DYNC1I1: variants seen among roughly 807,000 people sequenced by gnomAD.
The protein encoded by DYNC1I1 is cytoplasmic dynein 1 intermediate chain 1.
A neutral mutation model predicts 86.6 loss-of-function variants in DYNC1I1; 43 were observed. The observed-to-expected ratio is 0.50, with a 90% CI of 0.39 to 0.64. DYNC1I1 has a LOEUF of 0.64. Among genes scored for constraint, DYNC1I1 ranks in the 30% least tolerant of loss-of-function variants. The pLI, the probability that DYNC1I1 is intolerant of heterozygous loss-of-function variation, is 0.00. For missense variants in DYNC1I1, 604 were observed against 788.8 expected (o/e 0.77, Z 2.81); for synonymous variants, 262 against 283.7 (o/e 0.92, Z 0.77).
rs745430386 is a variant in DYNC1I1 at position 95,984,889 on chromosome 7, C to T, written c.655C>T (p.Arg219Trp). The part of the protein sequence containing the change: ...HSEEFLIFFD[R>W]TIRVIERALA... ...AGAGGAATTTCTCATCTTTTTTGAC[C>T]GGACAATACGGGTAATTGAAAGAGC... Residue 219 changes from arginine (R) to tryptophan (W), a missense_variant, in exon 8 of 17, where the codon CGG becomes TGG. Coordinates refer to ENST00000447467, the MANE Select transcript of DYNC1I1 (RefSeq NM_001135556.2). The T allele has an allele frequency of 1.1e-5, 18 of 1,612,800 alleles. No homozygotes were observed. Among genetic ancestry groups the T allele is most frequent in the South Asian group, 4.4e-5 (4 of 90,822 alleles).
At chr7:96,049,544 T>C (rs1789333282) in intron 14 of DYNC1I1, among the ~76,000 whole-genome samples, 1 of 152,132 alleles carries the variant, frequency 6.6e-6, no homozygotes, top group South Asian at 2.1e-4. Flanking sequence ...CATCTTATCA[T>C]TTAAACAAGG....
rs10590197 is a variant in DYNC1I1 at position 95,818,473 on chromosome 7, A to ATTT, written c.314+5155_314+5157dup. On this transcript the variant is annotated intron_variant, in intron 4 of 16. Coordinates refer to ENST00000447467, the MANE Select transcript of DYNC1I1 (RefSeq NM_001135556.2). ...CATACCACCACACCCAGCTGATTTA[A>ATTT]TTTTTTTTTTTTTTTTTTTTTGTAG... 656 of 573,980 alleles carry ATTT rather than the reference A, an allele frequency of 1.1e-3. 5 individuals carry two copies. The highest frequency in any genetic ancestry group is 3.4e-3 in the South Asian group (162 of 47,844). 35.6% of individuals were successfully genotyped at this position (573,980 alleles called of 1,614,324 possible).
intron 6 of DYNC1I1, among the ~76,000 whole-genome samples, chr7:95,959,625 G>A (rs1487086175): frequency 6.6e-6 from 1 of 152,158 alleles, no homozygotes; most frequent in Non-Finnish European, 1.5e-5. Context: ...GTATGGTGGA[G>A]TAGTTAAAAC....
At chr7:95,922,623 T>C (rs1791640777) in intron 6 of DYNC1I1, among the ~76,000 whole-genome samples, 1 of 152,112 alleles carries the variant, frequency 6.6e-6, no homozygotes, top group South Asian at 2.1e-4. Context: ...GGGACATATG[T>C]AGCTGATATA....
At chr7:95,982,944 T>C (rs1326482149) in intron 7 of DYNC1I1, among the ~76,000 whole-genome samples, 1 of 152,212 alleles carries the variant, frequency 6.6e-6, no homozygotes, top group Non-Finnish European at 1.5e-5. Context: ...TTAGTAATTA[T>C]TGAAGCCCAG....
At chr7:95,900,608 C>T (rs1791011616) in intron 6 of DYNC1I1, among the ~76,000 whole-genome samples, 1 of 152,086 alleles carries the variant, frequency 6.6e-6, no homozygotes, top group Admixed American at 6.6e-5. Flanking sequence ...TATCCTCTCA[C>T]CATTAAAACT....
At chr7:95,786,336 G>A (rs183301895) in intron 1 of DYNC1I1, among the ~76,000 whole-genome samples, 2 of 152,274 alleles carry the variant, frequency 1.3e-5, no homozygotes, top group Non-Finnish European at 2.9e-5. Flanking sequence ...GCATGTCAAT[G>A]TCTGGCTCTC....
intron 6 of DYNC1I1, among the ~76,000 whole-genome samples, chr7:95,968,507 A>G (rs1412688740): frequency 6.6e-6 from 1 of 152,176 alleles, no homozygotes; most frequent in Non-Finnish European, 1.5e-5. Context: ...TAACACAATA[A>G]CAATTCTAGT....
chr7:96,061,734 ACG>A (rs1554441135), intron 14 of DYNC1I1, among the ~76,000 whole-genome samples: 12 of 146,870 alleles, frequency 8.2e-5, no homozygotes, highest in African/African-American at 2.1e-4. Flanking sequence ...ACACACACAC[ACG>A]CACACAAACA....
chr7:95,977,164 G>T (rs1238394856), intron 6 of DYNC1I1, among the ~76,000 whole-genome samples: 2 of 152,150 alleles, frequency 1.3e-5, no homozygotes, highest in African/African-American at 4.8e-5. Flanking sequence ...TGTGCTCCAG[G>T]TGGAAACATT....
intron 14 of DYNC1I1, among the ~76,000 whole-genome samples, chr7:96,047,158 A>C (rs756130749): frequency 3.9e-5 from 6 of 152,128 alleles, no homozygotes; most frequent in Non-Finnish European, 7.3e-5. Flanking sequence ...AGCCTCTTTT[A>C]TAAGGATACT....
At chr7:96,007,640 C>T (rs1794172744) in intron 10 of DYNC1I1, among the ~76,000 whole-genome samples, 1 of 151,890 alleles carries the variant, frequency 6.6e-6, no homozygotes, top group African/African-American at 2.4e-5. Flanking sequence ...TCATTGTTAC[C>T]TACATAACAC....
intron 5 of DYNC1I1, among the ~76,000 whole-genome samples, chr7:95,843,346 TCTCAA>T (rs1789339469): frequency 2.0e-5 from 3 of 152,182 alleles, no homozygotes; most frequent in African/African-American, 7.2e-5. Flanking sequence ...CTCCCTGGAC[TCTCAA>T]CTCTGTCTCT....
chr7:96,081,640 A>C (rs920199984), intron 16 of DYNC1I1, among the ~76,000 whole-genome samples: 3 of 152,186 alleles, frequency 2.0e-5, no homozygotes, highest in African/African-American at 7.2e-5. Context: ...AGCATCCTAG[A>C]CCTAGAAAGT....
chr7:96,033,438 A>T (rs557277886), intron 12 of DYNC1I1, among the ~76,000 whole-genome samples: 1 of 152,346 alleles, frequency 6.6e-6, no homozygotes, highest in Non-Finnish European at 1.5e-5. Flanking sequence ...ATGCATATGT[A>T]GACAAACACA....
intron 14 of DYNC1I1, among the ~76,000 whole-genome samples, chr7:96,048,746 T>C (rs1280496586): frequency 6.6e-6 from 1 of 152,178 alleles, no homozygotes; most frequent in African/African-American, 2.4e-5. Flanking sequence ...ATGAAAACTA[T>C]TGTCCCACCT....
At chr7:96,042,261 G>A (rs1224549303) in intron 14 of DYNC1I1, among the ~76,000 whole-genome samples, 1 of 152,172 alleles carries the variant, frequency 6.6e-6, no homozygotes, top group Non-Finnish European at 1.5e-5. Context: ...ACAGATGCAT[G>A]CAGTTAAGTA....
intron 1 of DYNC1I1, among the ~76,000 whole-genome samples, chr7:95,773,498 G>T (rs555751868): frequency 6.6e-6 from 1 of 152,122 alleles, no homozygotes; most frequent in Non-Finnish European, 1.5e-5. Context: ...CTGAGTGTGC[G>T]GGAGTCTCAT....
intron 7 of DYNC1I1, among the ~76,000 whole-genome samples, chr7:95,978,757 G>C (rs1793374639): frequency 6.6e-6 from 1 of 152,018 alleles, no homozygotes; most frequent in Non-Finnish European, 1.5e-5. Flanking sequence ...AAGCCCAAAT[G>C]CCTATTACAA....
Sources: gnomAD v4.1 joint callset for allele counts (sites outside exome capture counted in the v4.1 genomes callset) on GRCh38, gnomAD v4.1.1 for gene constraint, MANE v1.5 for transcripts, NCBI Gene and HGNC (gene_info 2026-07-23, HGNC 2026-07-21) for gene names.